The following SDC2 variants were observed in gnomAD, a reference collection of about 807,000 sequenced individuals.
SDC2 encodes syndecan-2.
Under a neutral mutation model 22.2 loss-of-function variants are expected in SDC2, and 13 were observed. That is an observed-to-expected ratio of 0.59 (90% CI 0.38 to 0.93). SDC2 has a LOEUF of 0.93. SDC2 is among the 40% of genes least tolerant of loss of function. SDC2 has a pLI of 0.00. For synonymous variants in SDC2, 94 were observed against 92.8 expected (o/e 1.01, Z -0.07); for missense variants, 235 against 246.8 (o/e 0.95, Z 0.32).
intron 2 of SDC2, among the ~76,000 whole-genome samples, chr8:96,594,826 A>G (rs1001449821): frequency 2.0e-5 from 3 of 152,212 alleles, no homozygotes; most frequent in Non-Finnish European, 4.4e-5. Flanking sequence ...ACTTCTTCAC[A>G]TGGTGGCAGC....
chr8:96,520,301 A>G (rs888904517), intron 1 of SDC2, among the ~76,000 whole-genome samples: 4 of 152,252 alleles, frequency 2.6e-5, no homozygotes, highest in African/African-American at 7.2e-5. Flanking sequence ...GAAGTAGAGA[A>G]AGGTGGTGAC....
At chr8:96,573,445 G>T (rs1455449689) in intron 1 of SDC2, among the ~76,000 whole-genome samples, 1 of 135,904 alleles carries the variant, frequency 7.4e-6, no homozygotes, top group Non-Finnish European at 1.6e-5. Context: ...GCAAAATGGG[G>T]CTAATACCTG....
At chr8:96,539,868 C>T (rs1813817028) in intron 1 of SDC2, among the ~76,000 whole-genome samples, 1 of 152,126 alleles carries the variant, frequency 6.6e-6, no homozygotes, top group Non-Finnish European at 1.5e-5. Flanking sequence ...TTAACCCTTA[C>T]CTACCCTTAG....
At chr8:96,545,259 T>G (rs1302112909) in intron 1 of SDC2, among the ~76,000 whole-genome samples, 2 of 152,226 alleles carry the variant, frequency 1.3e-5, no homozygotes, top group Non-Finnish European at 2.9e-5. Flanking sequence ...TCTCTTTGTT[T>G]TATGTAACCT....
At chr8:96,536,013 C>T (rs1225939103) in intron 1 of SDC2, among the ~76,000 whole-genome samples, 1 of 152,154 alleles carries the variant, frequency 6.6e-6, no homozygotes, top group Non-Finnish European at 1.5e-5. Flanking sequence ...TTGTGTATGT[C>T]AGCCCACTAA....
chr8:96,556,913 C>CA (rs1286839526), intron 1 of SDC2, among the ~76,000 whole-genome samples: 2 of 150,550 alleles, frequency 1.3e-5, no homozygotes, highest in Non-Finnish European at 1.5e-5. Context: ...ACAATGAACT[C>CA]AAACAAATTT....
At chr8:96,605,320 C>G (rs1434265880) in intron 3 of SDC2, among the ~76,000 whole-genome samples, 1 of 152,212 alleles carries the variant, frequency 6.6e-6, no homozygotes, top group Non-Finnish European at 1.5e-5. Context: ...TTTGAGATTT[C>G]TCTTCCCTTT....
At chr8:96,564,359 G>A (rs1814260660) in intron 1 of SDC2, among the ~76,000 whole-genome samples, 1 of 152,150 alleles carries the variant, frequency 6.6e-6, no homozygotes, top group South Asian at 2.1e-4. Flanking sequence ...CTTTGCAGGG[G>A]GATGGGATGT....
At chr8:96,567,279 T>G (rs1374577232) in intron 1 of SDC2, among the ~76,000 whole-genome samples, 2 of 152,250 alleles carry the variant, frequency 1.3e-5, no homozygotes, top group Admixed American at 6.5e-5. Flanking sequence ...AGGGGAAGAT[T>G]TCATACCTCT....
intron 1 of SDC2, among the ~76,000 whole-genome samples, chr8:96,590,439 A>G (rs1163063023): frequency 6.6e-6 from 1 of 152,096 alleles, no homozygotes; most frequent in Non-Finnish European, 1.5e-5. Context: ...AGCAGACTAC[A>G]TTTCGCCAGG....
chr8:96,516,820 A>G (rs549630163), intron 1 of SDC2, among the ~76,000 whole-genome samples: 29 of 152,042 alleles, frequency 1.9e-4, no homozygotes, highest in African/African-American at 7.0e-4. Flanking sequence ...CCCCTTTTCC[A>G]TTTGTTAGTT....
At chr8:96,494,473 C>T (rs567157548) in intron 1 of SDC2, 142 bp downstream of exon 1, 115 of 720,562 alleles carry the variant, frequency 1.6e-4, no homozygotes, top group Non-Finnish European at 2.1e-4. Flanking sequence ...CAAATGCGCT[C>T]GTCCGGTCAC....
chr8:96,600,250 C>T (rs764819015), intron 2 of SDC2, among the ~76,000 whole-genome samples: 1 of 152,104 alleles, frequency 6.6e-6, no homozygotes, highest in Non-Finnish European at 1.5e-5. Flanking sequence ...TGGAAAATAC[C>T]CATTTTCTTT....
At chr8:96,589,929 TAGG>T (rs757506670) in intron 1 of SDC2, among the ~76,000 whole-genome samples, 1 of 152,168 alleles carries the variant, frequency 6.6e-6, no homozygotes, top group Non-Finnish European at 1.5e-5. Context: ...GGGGTGGAGA[TAGG>T]AGACAAGTAT....
chr8:96,552,717 T>C (rs1814047188), intron 1 of SDC2, among the ~76,000 whole-genome samples: 1 of 152,210 alleles, frequency 6.6e-6, no homozygotes. Context: ...TTGTACTATT[T>C]TGAAGCTCCA....
intron 1 of SDC2, among the ~76,000 whole-genome samples, chr8:96,532,568 T>G (rs539181253): frequency 6.6e-6 from 1 of 151,882 alleles, no homozygotes; most frequent in South Asian, 2.1e-4. Flanking sequence ...AAGGGAGGGG[T>G]AAAGATTCCA....
chr8:96,608,006 T>C (rs939963962), intron 3 of SDC2, among the ~76,000 whole-genome samples: 5 of 152,064 alleles, frequency 3.3e-5, no homozygotes, highest in South Asian at 2.1e-4. Context: ...CAGAGGGAGA[T>C]GGTGACCTGC....
chr8:96,602,320 A>T, intron 2 of SDC2, 75 bp from the exon 3 acceptor site: 2 of 1,464,712 alleles, frequency 1.4e-6, no homozygotes, highest in South Asian at 1.2e-5. Context: ...TGTCAACGTC[A>T]GGCAATAGTG....
chr8:96,558,842 AATTC>A (rs1465740855), intron 1 of SDC2, among the ~76,000 whole-genome samples: 1 of 152,156 alleles, frequency 6.6e-6, no homozygotes, highest in Non-Finnish European at 1.5e-5. Context: ...TGTGTCTAAT[AATTC>A]ATTCCAAACA....
Sources: gnomAD v4.1 joint callset for allele counts (sites outside exome capture counted in the v4.1 genomes callset) on GRCh38, gnomAD v4.1.1 for gene constraint, MANE v1.5 for transcripts, NCBI Gene and HGNC (gene_info 2026-07-23, HGNC 2026-07-21) for gene names.